Variants in LNPK observed in about 807,000 individuals in gnomAD.
LNPK encodes lunapark, ER junction formation factor.
Under a neutral mutation model 55.2 loss-of-function variants are expected in LNPK, and 29 were observed. The observed-to-expected ratio is 0.53, with a 90% confidence interval of 0.39 to 0.72. The LOEUF (loss-of-function observed/expected upper bound fraction) is 0.72, where lower values mean the gene tolerates loss of function less well. Among genes scored for constraint, LNPK ranks in the 30% least tolerant of loss-of-function variants. LNPK has a pLI of 0.00. For synonymous variants in LNPK, 162 were observed against 168.2 expected, an observed-to-expected ratio of 0.96 and a Z score of 0.29; for missense variants, 467 against 494.8, an observed-to-expected ratio of 0.94 and a Z score of 0.53.
At chr2:176,000,915 G>T (rs1037352285) in intron 1 of LNPK, among the ~76,000 whole-genome samples, 1 of 152,056 alleles carries the variant, frequency 6.6e-6, no homozygotes, top group African/African-American at 2.4e-5. Context: ...TGCTTTCATG[G>T]TAAGTCAATT....
At position 175,927,034 on chromosome 2, in the gene LNPK, C is replaced by T. The variant is rs1019837427; in HGVS notation, c.*2933G>A. ...AGTCCTTTGGTGTTGGGAAGAAACCCTAGGGAAAGAATATGCAGAATGAAG... is the reference window on the plus strand; with the variant it reads ...AGTCCTTTGGTGTTGGGAAGAAACCTTAGGGAAAGAATATGCAGAATGAAG... On this transcript the variant is annotated 3_prime_UTR_variant, in exon 13 of 13. Transcript: ENST00000272748. 1.3e-5 allele frequency: 2 copies of T among 152,024 alleles called. No homozygotes were observed. Among genetic ancestry groups the T allele is most frequent in the African/African-American group, 2.4e-5 (1 of 41,384 alleles). The allele number at this position is 152,024 out of a possible 1,614,324, so 9.4% of individuals were successfully genotyped here. A position where few individuals can be genotyped will look rare whatever the true frequency, so the allele number is the denominator to read the frequency against.
chr2:175,999,937 T>C (rs1191860772), intron 1 of LNPK, among the ~76,000 whole-genome samples: 1 of 152,142 alleles, frequency 6.6e-6, no homozygotes, highest in African/African-American at 2.4e-5. Flanking sequence ...GACTAATTTT[T>C]GTGTTTTTAG....
At chr2:175,960,445 G>A (rs1163369317) in intron 8 of LNPK, among the ~76,000 whole-genome samples, 1 of 152,002 alleles carries the variant, frequency 6.6e-6, no homozygotes, top group Non-Finnish European at 1.5e-5. Flanking sequence ...TGAACAACCT[G>A]CTCCTGAATG....
At chr2:175,982,887 G>A (rs2105692324) in intron 4 of LNPK, among the ~76,000 whole-genome samples, 1 of 152,252 alleles carries the variant, frequency 6.6e-6, no homozygotes, top group East Asian at 1.9e-4. Flanking sequence ...AGTGGCATAA[G>A]ATCCACTTCC....
At position 175,924,681 on chromosome 2, in the gene LNPK, A is replaced by C. The variant is rs2166527; in HGVS notation, c.*5286T>G. Reference sequence around the variant, plus strand: ...CTGAGGCTGGGTAATTTACTGAAAAAAAAACAAAACAAACAAAAAAAAAAA... The same window carrying C: ...CTGAGGCTGGGTAATTTACTGAAAACAAAACAAAACAAACAAAAAAAAAAA... On this transcript the variant is annotated 3_prime_UTR_variant, in exon 13 of 13. Coordinates refer to ENST00000272748, the MANE Select transcript of LNPK (RefSeq NM_030650.3). The C allele has an allele frequency of 0.31, 38,605 of 123,578 alleles. 5,237 individuals are homozygous for C. The highest frequency in any genetic ancestry group is 0.47 in the South Asian group (1,972 of 4,202). 7.7% of individuals were successfully genotyped at this position (123,578 alleles called of 1,614,324 possible). A position where few individuals can be genotyped will look rare whatever the true frequency, so the allele number is the denominator to read the frequency against.
At chr2:175,965,680 C>T (rs1436484910) in intron 6 of LNPK, among the ~76,000 whole-genome samples, 1 of 152,032 alleles carries the variant, frequency 6.6e-6, no homozygotes, top group Non-Finnish European at 1.5e-5. Flanking sequence ...GATTTATTAG[C>T]CTTGCCTTGG....
At position 175,987,887 on chromosome 2, in the gene LNPK, T is replaced by C. The variant is rs116977292; in HGVS notation, c.257+4344A>G. ...GCAGGAAATACTTGGAACTTCAATA[T>C]AATAGAATCACACAGAGGACAGCGT... On this transcript the variant is annotated intron_variant, in intron 4 of 12. Coordinates refer to ENST00000272748, the MANE Select transcript of LNPK (RefSeq NM_030650.3). 4.7e-4 allele frequency among the ~76,000 whole-genome samples: 72 copies of C among 152,266 alleles called. 1 individual carries two copies. The East Asian group carries it at 8.1e-3, about 17-fold the overall frequency.
chr2:175,930,067 TCA>T lies in LNPK; in HGVS notation c.1185_1186del (p.Asn397Ter). On this transcript the variant is annotated frameshift_variant, in exon 13 of 13. Coordinates refer to ENST00000272748, the MANE Select transcript of LNPK (RefSeq NM_030650.3). LOFTEE classifies it high-confidence loss of function. Reference sequence around the variant, plus strand: ...TTCAATCACTGAGGCTTCCTCATTCTCAGTCTCTTGTTTCTCCTCTGGTTCCT... The same window carrying T: ...TTCAATCACTGAGGCTTCCTCATTCTGTCTCTTGTTTCTCCTCTGGTTCCT... 1 of 1,614,140 alleles carries T rather than the reference TCA, an allele frequency of 6.2e-7. No homozygotes were observed. Among genetic ancestry groups the T allele is most frequent in the Non-Finnish European group, 8.5e-7 (1 of 1,179,986 alleles).
rs1013417533 is a variant in LNPK at position 175,929,551 on chromosome 2, G to A, written c.*416C>T. 2.0e-6 allele frequency: 2 copies of A among 991,670 alleles called. No individual in the cohort carries two copies. The highest frequency in any genetic ancestry group is 3.5e-5 in the African/African-American group (2 of 57,298). 61.4% of individuals were successfully genotyped at this position (991,670 alleles called of 1,614,324 possible). A position where few individuals can be genotyped will look rare whatever the true frequency, so the allele number is the denominator to read the frequency against. On this transcript the variant is annotated 3_prime_UTR_variant, in exon 13 of 13. Transcript: ENST00000272748. ...TAAAATTCTATCAATTTTTAATAAT[G>A]AAGTAGTCAAAATCTTAACCAAGTT...
At chr2:175,956,442 C>G (rs1685699371) in intron 8 of LNPK, among the ~76,000 whole-genome samples, 1 of 152,110 alleles carries the variant, frequency 6.6e-6, no homozygotes, top group East Asian at 1.9e-4. Context: ...TCTCCAACCA[C>G]TAACCTCTCA....
At chr2:175,959,135 AAC>A (rs1410889043) in intron 8 of LNPK, among the ~76,000 whole-genome samples, 2 of 152,242 alleles carry the variant, frequency 1.3e-5, no homozygotes, top group Non-Finnish European at 2.9e-5. Flanking sequence ...CAAGCTGGAA[AAC>A]ACTCTTCAGG....
At chr2:175,933,100 G>A (rs975520027) in intron 12 of LNPK, among the ~76,000 whole-genome samples, 3 of 152,000 alleles carry the variant, frequency 2.0e-5, no homozygotes, top group Admixed American at 2.0e-4. Flanking sequence ...AATGATCCAT[G>A]CAATTTCTTT....
At chr2:175,933,734 T>TTTTG (rs1553497437) in intron 12 of LNPK, among the ~76,000 whole-genome samples, 1 of 147,092 alleles carries the variant, frequency 6.8e-6, no homozygotes, top group Non-Finnish European at 1.5e-5. Flanking sequence ...GTTAAGGGTT[T>TTTTG]TTTTTTTTTT....
chr2:175,992,365 T>A lies in LNPK; in HGVS notation c.123A>T (p.Leu41Phe). The change falls in exon 4 of 13, where the codon TTA becomes TTT. Residue 41 changes from leucine (L) to phenylalanine (F), a missense_variant. Physicochemically the swap from Leu to Phe is conservative, Grantham distance 22. Coordinates refer to ENST00000272748, the MANE Select transcript of LNPK (RefSeq NM_030650.3). ...AATACAGAATTAATCTTCCAACCCATAATTTTTGTAATCTCTGATTTTTTT... is the reference window on the plus strand; with the variant it reads ...AATACAGAATTAATCTTCCAACCCAAAATTTTTGTAATCTCTGATTTTTTT... The part of the protein sequence containing the change: ...FREKNQRLQK[L>F]WVGRLILYSS... The A allele has an allele frequency of 6.6e-7, 1 of 1,521,632 alleles. No individual in the cohort carries two copies. Among genetic ancestry groups the A allele is most frequent in the Non-Finnish European group, 8.8e-7 (1 of 1,141,278 alleles). 94.3% of individuals were successfully genotyped at this position (1,521,632 alleles called of 1,614,324 possible). A position where few individuals can be genotyped will look rare whatever the true frequency, so the allele number is the denominator to read the frequency against.
At chr2:175,951,938 G>A (rs1258604725) in intron 8 of LNPK, among the ~76,000 whole-genome samples, 1 of 151,832 alleles carries the variant, frequency 6.6e-6, no homozygotes, top group African/African-American at 2.4e-5. Flanking sequence ...TCTTGCAGGA[G>A]TAAGGTGGTA....
chr2:175,960,596 A>G (rs1387219010), intron 8 of LNPK, among the ~76,000 whole-genome samples: 2 of 152,234 alleles, frequency 1.3e-5, no homozygotes, highest in African/African-American at 4.8e-5. Flanking sequence ...AAATGCCCAC[A>G]AGAGAAAGCA....
rs1684090676 is a variant in LNPK at position 175,928,146 on chromosome 2, GA to G, written c.*1820del. ...TATTTATATACATACATACAATATA[GA>G]AAAGTTGATGCAAAAAACATTGGCT... On this transcript the variant is annotated 3_prime_UTR_variant, in exon 13 of 13. Coordinates refer to ENST00000272748, the MANE Select transcript of LNPK (RefSeq NM_030650.3). The G allele has an allele frequency of 6.6e-6, 1 of 152,022 alleles. No homozygotes were observed. The highest frequency in any genetic ancestry group is 2.4e-5 in the African/African-American group (1 of 41,392). The allele number at this position is 152,022 out of a possible 1,614,324, so 9.4% of individuals were successfully genotyped here.
intron 1 of LNPK, among the ~76,000 whole-genome samples, chr2:175,997,703 C>CTGTGTGTGTG (rs1491566543): frequency 3.9e-4 from 18 of 45,870 alleles, no homozygotes; most frequent in Middle Eastern, 0.011. Flanking sequence ...AAAACAAATG[C>CTGTGTGTGTG]TCTGTGTGTG....
chr2:175,986,380 T>C (rs1428304471), intron 4 of LNPK, among the ~76,000 whole-genome samples: 1 of 152,014 alleles, frequency 6.6e-6, no homozygotes, highest in East Asian at 1.9e-4. Context: ...AATATATATT[T>C]GCCATCCATA....
Sources: gnomAD v4.1 joint callset for allele counts (sites outside exome capture counted in the v4.1 genomes callset) on GRCh38, gnomAD v4.1.1 for gene constraint, MANE v1.5 for transcripts, NCBI Gene and HGNC (gene_info 2026-07-23, HGNC 2026-07-21) for gene names.